SMCHD1: variants seen among roughly 807,000 people sequenced by gnomAD.
SMCHD1 encodes the protein structural maintenance of chromosomes flexible hinge domain containing 1.
Under a neutral mutation model 254.7 loss-of-function variants are expected in SMCHD1, and 78 were observed. That is an observed-to-expected ratio of 0.31 (90% CI 0.26 to 0.37). The LOEUF is 0.37. Ranked by LOEUF, SMCHD1 falls within the 10% of genes least tolerant of loss-of-function variation. The pLI is 1.00. For synonymous variants in SMCHD1, 766 were observed against 794.9 expected, an observed-to-expected ratio of 0.96 and a Z score of 0.61; for missense variants, 1,840 against 2,408.1, an observed-to-expected ratio of 0.76 and a Z score of 4.94.
chr18:2,763,674 G>A lies in SMCHD1; in HGVS notation c.4604G>A (p.Gly1535Asp). 1 of 1,591,776 alleles carries A rather than the reference G, an allele frequency of 6.3e-7. No individual in the cohort carries two copies. The change falls in exon 37 of 48, where the codon GGC becomes GAC. Residue 1535 changes from glycine to aspartate, a missense_variant. By Grantham distance (94) the Gly-to-Asp change is moderately conservative. Coordinates refer to ENST00000320876, the MANE Select transcript of SMCHD1 (RefSeq NM_015295.3). ...AACCATACTGGAATTGATTTGGTTG[G>A]CACTATAATAGCCACCATTAAAGGC... The part of the protein sequence containing the change: ...YDNHTGIDLV[G>D]TIIATIKGSN...
At chr18:2,745,219 A>G (rs1346021475) in intron 29 of SMCHD1, among the ~76,000 whole-genome samples, 2 of 80,046 alleles carry the variant, frequency 2.5e-5, no homozygotes, top group Non-Finnish European at 5.6e-5. Flanking sequence ...GGGTTTCACC[A>G]TGCTGACCAA....
chr18:2,741,602 C>T (rs796459682), intron 28 of SMCHD1, among the ~76,000 whole-genome samples: 43 of 152,234 alleles, frequency 2.8e-4, no homozygotes, highest in African/African-American at 9.6e-4. Context: ...ATTTTCACTG[C>T]TGCGGAACTT....
chr18:2,737,631 G>A (rs770910146), intron 25 of SMCHD1, among the ~76,000 whole-genome samples: 2 of 152,152 alleles, frequency 1.3e-5, no homozygotes, highest in Non-Finnish European at 2.9e-5. Flanking sequence ...AGCATTGCTT[G>A]AGCCCAGGAA....
intron 5 of SMCHD1, among the ~76,000 whole-genome samples, chr18:2,684,814 T>G (rs1703162869): frequency 6.6e-6 from 1 of 151,816 alleles, no homozygotes; most frequent in Non-Finnish European, 1.5e-5. Context: ...TATAAATCTT[T>G]AATTTATCAC....
intron 45 of SMCHD1, among the ~76,000 whole-genome samples, chr18:2,786,611 G>C (rs1246435507): frequency 1.3e-5 from 2 of 152,062 alleles, no homozygotes; most frequent in Admixed American, 6.5e-5. Context: ...ACCATCACTT[G>C]AGCCTGGGAG....
At chr18:2,730,298 G>A (rs966533504) in intron 24 of SMCHD1, among the ~76,000 whole-genome samples, 28 of 152,096 alleles carry the variant, frequency 1.8e-4, no homozygotes, top group Admixed American at 4.6e-4. Context: ...AGCCTCCCCA[G>A]TAGCTGGGAC....
rs148046891 is a variant in SMCHD1 at position 2,742,821 on chromosome 18, C to T, written c.3634-940C>T. On this transcript the variant is annotated intron_variant, in intron 28 of 47. Coordinates refer to ENST00000320876, the MANE Select transcript of SMCHD1 (RefSeq NM_015295.3). Reference sequence around the variant, plus strand: ...CCTCCCAACTAGCTAGGACTATAGACGCATGCCACTACACCTGGCTAATTT... The same window carrying T: ...CCTCCCAACTAGCTAGGACTATAGATGCATGCCACTACACCTGGCTAATTT... Among the ~76,000 whole-genome samples the T allele has an allele frequency of 6.6e-5, 10 of 152,156 alleles. No individual in the cohort carries two copies. The East Asian group carries it at 1.7e-3, about 26-fold the overall frequency.
chr18:2,725,215 A>G (rs1344967269), intron 21 of SMCHD1, among the ~76,000 whole-genome samples: 1 of 151,974 alleles, frequency 6.6e-6, no homozygotes, highest in Non-Finnish European at 1.5e-5. Flanking sequence ...ACATGAATTA[A>G]ATATTTTTCA....
intron 1 of SMCHD1, among the ~76,000 whole-genome samples, chr18:2,663,571 T>G (rs2073354058): frequency 6.6e-6 from 1 of 152,206 alleles, no homozygotes; most frequent in African/African-American, 2.4e-5. Flanking sequence ...CATGTTGAGA[T>G]AACTAGTTGT....
At chr18:2,795,702 T>C (rs1425242822) in intron 45 of SMCHD1, among the ~76,000 whole-genome samples, 1 of 152,228 alleles carries the variant, frequency 6.6e-6, no homozygotes, top group Non-Finnish European at 1.5e-5. Flanking sequence ...CACTTTTATA[T>C]AGAGAACTCT....
intron 1 of SMCHD1, among the ~76,000 whole-genome samples, chr18:2,658,960 A>G (rs1041113301): frequency 3.3e-5 from 5 of 151,906 alleles, no homozygotes; most frequent in Admixed American, 6.6e-5. Flanking sequence ...ACACATATAT[A>G]TATTTTTTAC....
intron 27 of SMCHD1, 41 bp from the exon 28 acceptor site, chr18:2,740,662 A>T (rs777333565): frequency 8.1e-6 from 9 of 1,115,088 alleles, no homozygotes; most frequent in Non-Finnish European, 1.1e-5. Flanking sequence ...TATATCTTCT[A>T]TTAAAAGATA....
chr18:2,790,128 G>C (rs890421670), intron 45 of SMCHD1, among the ~76,000 whole-genome samples: 3 of 152,210 alleles, frequency 2.0e-5, no homozygotes, highest in African/African-American at 7.2e-5. Context: ...CTTGCAGTGA[G>C]CCGACATCGC....
chr18:2,758,966 C>G (rs894050280), intron 34 of SMCHD1, among the ~76,000 whole-genome samples: 3 of 152,118 alleles, frequency 2.0e-5, no homozygotes, highest in Non-Finnish European at 2.9e-5. Context: ...TTTGAACTAT[C>G]TTCAGTTAAC....
intron 24 of SMCHD1, 33 bp from the exon 25 acceptor site, chr18:2,732,232 T>G: frequency 6.5e-7 from 1 of 1,533,430 alleles, no homozygotes; most frequent in Non-Finnish European, 9.0e-7. Context: ...AGTACAGATA[T>G]CACTCAGTGT....
chr18:2,710,607 A>G (rs2074644776), intron 17 of SMCHD1, among the ~76,000 whole-genome samples: 2 of 152,298 alleles, frequency 1.3e-5, no homozygotes, highest in East Asian at 3.9e-4. Context: ...ATATATGAAC[A>G]TGTCATTTAT....
At chr18:2,700,444 T>TTTA in intron 10 of SMCHD1, 95 bp from the exon 11 acceptor site, 1 of 1,347,332 alleles carries the variant, frequency 7.4e-7, no homozygotes, top group Non-Finnish European at 1.0e-6. Context: ...ACCTTTAGGT[T>TTTA]TTATAGAATG....
At position 2,697,895 on chromosome 18, in the gene SMCHD1, T is replaced by G; in HGVS notation, c.1196T>G (p.Met399Arg). The change falls in exon 10 of 48, where the codon ATG becomes AGG. Residue 399 changes from methionine (M) to arginine (R), a missense_variant. Met to Arg is a moderately conservative substitution (Grantham distance 91). Around this residue, in one of 9 missense-constraint regions of SMCHD1, gnomAD observed 498 missense variants for 743.5 expected, o/e 0.67. Transcript: ENST00000320876. ...IVNLREIQDD[M>R]QTLYVNTAAD... is the part of the protein sequence containing the mutation. The stretch of plus-strand genomic sequence containing the variant: ...AACCTAAGGGAAATACAAGACGACA[T>G]GCAGACGTTGTATGTAAACACAGCA... 6.2e-6 allele frequency: 10 copies of G among 1,613,698 alleles called. No individual in the cohort carries two copies. The highest frequency in any genetic ancestry group is 8.5e-6 in the Non-Finnish European group (10 of 1,179,712).
At chr18:2,719,829 C>T (rs1427968416) in intron 19 of SMCHD1, among the ~76,000 whole-genome samples, 2 of 152,078 alleles carry the variant, frequency 1.3e-5, no homozygotes, top group Non-Finnish European at 2.9e-5. Flanking sequence ...GCGTATGCCA[C>T]CACGCCCGGC....
Sources: allele counts gnomAD v4.1 joint callset (sites outside exome capture counted in the v4.1 genomes callset), GRCh38; gene constraint gnomAD v4.1.1; regional missense constraint gnomAD v4.1.1; transcripts MANE v1.5; gene names NCBI Gene and HGNC (gene_info 2026-07-23, HGNC 2026-07-21).